AMOTL2: variants seen among roughly 807,000 people sequenced by gnomAD.
The protein encoded by AMOTL2 is angiomotin like 2.
A neutral mutation model predicts 78.4 loss-of-function variants in AMOTL2; 33 were observed. That is an observed-to-expected ratio of 0.42 (90% CI 0.32 to 0.56). The LOEUF (loss-of-function observed/expected upper bound fraction) is 0.56. AMOTL2 is among the 20% of genes least tolerant of loss of function. AMOTL2 has a pLI of 0.12. For missense variants in AMOTL2, 983 were observed against 1,030.1 expected, an observed-to-expected ratio of 0.95 and a Z score of 0.63; for synonymous variants, 422 against 428.8, an observed-to-expected ratio of 0.98 and a Z score of 0.20.
chr3:134,371,576 T>C (rs2017869258), intron 1 of AMOTL2, 82 bp from the exon 2 acceptor site: 1 of 1,467,260 alleles, frequency 6.8e-7, no homozygotes, highest in Non-Finnish European at 9.0e-7. Flanking sequence ...AGGATTTCCA[T>C]TATTACTCTG....
Position 134,365,888 on chromosome 3 carries a change from C to T in AMOTL2, c.1208G>A (p.Arg403His), listed in dbSNP as rs35883528. The change falls in exon 5 of 10, where the codon CGC becomes CAC. Residue 403 changes from arginine (R) to histidine (H), a missense_variant. By Grantham distance (29) the Arg-to-His change is conservative. Coordinates refer to ENST00000249883, the MANE Select transcript of AMOTL2 (RefSeq NM_016201.4). ...CTCCTGTGTCTTGCTTGCCAGGCGG[C>T]GATTTGCAGATTCCAATCTCTCTGT... ...DLRERLESAN[R>H]RLASKTQEAQ... The T allele has an allele frequency of 8.9e-4, 1,443 of 1,614,130 alleles. 13 individuals are homozygous for T. The African/African-American group carries it at 0.017, about 19-fold the overall frequency.
In AMOTL2 at chr3:134,367,504, A is replaced by G. The variant is rs768123801; in HGVS notation, c.1034T>C (p.Ile345Thr). Residue 345 changes from isoleucine (I) to threonine (T), a missense_variant, in exon 3 of 10, where the codon ATT (isoleucine) becomes ACT (threonine). Physicochemically the swap from Ile to Thr is moderately conservative, Grantham distance 89. Coordinates refer to ENST00000249883, the MANE Select transcript of AMOTL2 (RefSeq NM_016201.4). ...AGCCCCAGCAGGGCCTACCTTCTCA[A>G]TGCGGCCAGCCTTCTCCGCAGAGCT... is the stretch of plus-strand genomic sequence containing the variant. ...LESSAEKAGR[I>T]EKLESEIQRL... is the part of the protein sequence containing the mutation. 1 of 1,611,532 alleles carries G rather than the reference A, an allele frequency of 6.2e-7. No homozygotes were observed. Among genetic ancestry groups the G allele is most frequent in the Non-Finnish European group, 8.5e-7 (1 of 1,179,764 alleles).
At position 134,371,084 on chromosome 3, in the gene AMOTL2, T is replaced by A; in HGVS notation, c.350A>T (p.Tyr117Phe). 1 of 1,612,160 alleles carries A rather than the reference T, an allele frequency of 6.2e-7. No individual in the cohort carries two copies. The highest frequency in any genetic ancestry group is 1.1e-5 in the South Asian group (1 of 90,522). Reference sequence around the variant, plus strand: ...CCGGGTCCCTGCCTGCTGGGCCGCATAGTACTGCGAGTGGGCTTTGGCCTC... The same window carrying A: ...CCGGGTCCCTGCCTGCTGGGCCGCAAAGTACTGCGAGTGGGCTTTGGCCTC... ...YEEAKAHSQYYAAQQAGTRPH... is the reference protein window; with the variant it reads ...YEEAKAHSQYFAAQQAGTRPH... Residue 117 changes from tyrosine to phenylalanine, a missense_variant, in exon 2 of 10, where the codon TAT becomes TTT. Physicochemically the swap from Tyr to Phe is conservative, Grantham distance 22. Coordinates refer to ENST00000249883, the MANE Select transcript of AMOTL2 (RefSeq NM_016201.4).
Position 134,358,657 on chromosome 3 carries a change from C to G in AMOTL2, c.2167G>C (p.Gly723Arg), listed in dbSNP as rs750802935. 2.2e-5 allele frequency: 36 copies of G among 1,613,664 alleles called. No individual in the cohort carries two copies. The highest frequency in any genetic ancestry group is 2.9e-5 in the Non-Finnish European group (34 of 1,179,790). The change falls in exon 9 of 10, where the codon GGG becomes CGG. Residue 723 changes from glycine (G) to arginine (R), a missense_variant. By Grantham distance (125) the Gly-to-Arg change is moderately radical (BLOSUM62 -2). Transcript: ENST00000249883. Reference sequence around the variant, plus strand: ...GTCTGGGTGCTCCCATCTCTGCTCCCGTGTTTGGCATGGGCAGCAGGGGGA... The same window carrying G: ...GTCTGGGTGCTCCCATCTCTGCTCCGGTGTTTGGCATGGGCAGCAGGGGGA... ...TAPPAAHAKH[G>R]SRDGSTQTEG...
intron 9 of AMOTL2, among the ~76,000 whole-genome samples, chr3:134,358,089 C>CAAAT (rs569991003): frequency 5.2e-4 from 79 of 152,324 alleles, no homozygotes; most frequent in African/African-American, 1.8e-3. Flanking sequence ...GAGGCACAGG[C>CAAAT]AAATATGCAA....
At chr3:134,375,350 T>A, upstream of AMOTL2, 1 of 1,064,694 alleles carries the variant, frequency 9.4e-7, no homozygotes, top group South Asian at 1.3e-5. Flanking sequence ...TTATCATCCC[T>A]GTGTTGTAAA....
At chr3:134,374,682 T>G, upstream of AMOTL2, 1 of 978,434 alleles carries the variant, frequency 1.0e-6, no homozygotes, top group Non-Finnish European at 1.2e-6. Context: ...CCGAGCTCCG[T>G]TCCTCCGCGC....
intron 7 of AMOTL2, 84 bp downstream of exon 7, chr3:134,360,022 T>C: frequency 7.0e-7 from 1 of 1,434,868 alleles, no homozygotes; most frequent in Non-Finnish European, 9.4e-7. Context: ...AAGGGGCCTG[T>C]TTATCAGGGA....
intron 6 of AMOTL2, among the ~76,000 whole-genome samples, chr3:134,360,738 G>T (rs2017318630): frequency 6.6e-6 from 1 of 152,172 alleles, no homozygotes; most frequent in African/African-American, 2.4e-5. Flanking sequence ...CTACCTCTGT[G>T]GCAAGGGTAG....
At chr3:134,368,304 T>TA (rs1288031531) in intron 2 of AMOTL2, among the ~76,000 whole-genome samples, 3 of 152,192 alleles carry the variant, frequency 2.0e-5, no homozygotes, top group Non-Finnish European at 4.4e-5. Flanking sequence ...TTGTGTCTAT[T>TA]ACACGAGTCG....
chr3:134,367,513 G>A lies in AMOTL2; in HGVS notation c.1025C>T (p.Ala342Val), dbSNP rs1424003310. The A allele has an allele frequency of 1.2e-6, 2 of 1,612,038 alleles. No homozygotes were observed. Among genetic ancestry groups the A allele is most frequent in the African/African-American group, 1.3e-5 (1 of 74,874 alleles). ...QRELESSAEK[A>V]GRIEKLESEI... ...AGGGCCTACCTTCTCAATGCGGCCA[G>A]CCTTCTCCGCAGAGCTCTCCAGCTC... The change falls in exon 3 of 10, where the codon GCT (alanine) becomes GTT (valine). Residue 342 changes from alanine (A) to valine (V), a missense_variant. Ala to Val is a moderately conservative substitution (Grantham distance 64). Coordinates refer to ENST00000249883, the MANE Select transcript of AMOTL2 (RefSeq NM_016201.4).
At position 134,369,502 on chromosome 3, in the gene AMOTL2, A is replaced by G. The variant is rs1055201118; in HGVS notation, c.734+1198T>C. 2.6e-5 allele frequency among the ~76,000 whole-genome samples: 4 copies of G among 152,208 alleles called. No homozygotes were observed. In the South Asian group the frequency reaches 6.2e-4, roughly 24 times the overall value. ...TAAGGCTGGTCCAAAAGAAGAAACCACCACTCAGCTTCCGAAACTCTTCCT... is the reference window on the plus strand; with the variant it reads ...TAAGGCTGGTCCAAAAGAAGAAACCGCCACTCAGCTTCCGAAACTCTTCCT... On this transcript the variant is annotated intron_variant, in intron 2 of 9. Transcript: ENST00000249883.
chr3:134,367,573 GC>G lies in AMOTL2; in HGVS notation c.964del (p.Ala322ProfsTer41). ...AQMEAVLREN[A>X]RLQRDNERLQ... ...CCGCTCATTGTCTCTCTGCAGCCTGGCATTCTCCCTCAGCACGGCCTCCATC... is the reference window on the plus strand; with the variant it reads ...CCGCTCATTGTCTCTCTGCAGCCTGGATTCTCCCTCAGCACGGCCTCCATC... On this transcript the variant is annotated frameshift_variant, in exon 3 of 10. Coordinates refer to ENST00000249883, the MANE Select transcript of AMOTL2 (RefSeq NM_016201.4). LOFTEE classifies it high-confidence loss of function. The G allele has an allele frequency of 2.5e-6, 4 of 1,613,412 alleles. No homozygotes were observed. Among genetic ancestry groups the G allele is most frequent in the Non-Finnish European group, 3.4e-6 (4 of 1,180,028 alleles).
At chr3:134,369,923 C>G (rs896923990) in intron 2 of AMOTL2, among the ~76,000 whole-genome samples, 1 of 152,224 alleles carries the variant, frequency 6.6e-6, no homozygotes, top group African/African-American at 2.4e-5. Context: ...TCTTGCCTCC[C>G]CGGGTCTTCC....
intron 7 of AMOTL2, among the ~76,000 whole-genome samples, chr3:134,359,730 A>G (rs1267193912): frequency 1.3e-5 from 2 of 152,160 alleles, no homozygotes; most frequent in East Asian, 1.9e-4. Context: ...ACCAGTGCAT[A>G]AGGCCCTGGG....
chr3:134,365,041 G>A (rs977134377), intron 5 of AMOTL2, among the ~76,000 whole-genome samples: 5 of 151,968 alleles, frequency 3.3e-5, no homozygotes, highest in Non-Finnish European at 5.9e-5. Context: ...TCCCCACAGA[G>A]CCCCTCTCTC....
chr3:134,375,279 C>T (rs2107753163), upstream of AMOTL2: 1 of 1,529,058 alleles, frequency 6.5e-7, no homozygotes, highest in Admixed American at 2.0e-5. Flanking sequence ...GGTGTGCCAC[C>T]GCTGGCTTTT....
intron 5 of AMOTL2, among the ~76,000 whole-genome samples, chr3:134,364,206 G>A (rs561610484): frequency 1.2e-4 from 18 of 152,088 alleles, no homozygotes; most frequent in South Asian, 2.1e-4. Context: ...ACGGGAGGGA[G>A]CGGCGGGGGG....
Position 134,361,812 on chromosome 3 carries a change from AG to A in AMOTL2, c.1280-6del. On this transcript the variant is annotated splice_region_variant and splice_polypyrimidine_tract_variant and intron_variant, in intron 5 of 9. Transcript: ENST00000249883. Reference sequence around the variant, plus strand: ...GCTCCTGCTGCTGTTCGTAGCCTGTAGGGAGAAAGAGGCTTGATCAGTGACA... The same window carrying A: ...GCTCCTGCTGCTGTTCGTAGCCTGTAGGAGAAAGAGGCTTGATCAGTGACA... 6.5e-7 allele frequency: 1 copy of A among 1,533,578 alleles called. No individual in the cohort carries two copies. The highest frequency in any genetic ancestry group is 8.8e-7 in the Non-Finnish European group (1 of 1,134,418). The allele number at this position is 1,533,578 out of a possible 1,614,324, so 95.0% of individuals were successfully genotyped here.
Sources: gnomAD v4.1 joint callset for allele counts (sites outside exome capture counted in the v4.1 genomes callset) on GRCh38, gnomAD v4.1.1 for gene constraint, MANE v1.5 for transcripts, NCBI Gene and HGNC (gene_info 2026-07-23, HGNC 2026-07-21) for gene names.